The following CMSS1 variants were observed in gnomAD, a reference collection of about 807,000 sequenced individuals.
The protein encoded by CMSS1 is protein CMSS1.
A neutral mutation model predicts 43.5 loss-of-function variants in CMSS1; 33 were observed. The ratio of observed to expected loss-of-function variants is 0.76; its 90% CI spans 0.57 to 1.01. CMSS1 has a LOEUF of 1.01. CMSS1 is among the 50% of genes least tolerant of loss of function. The pLI is 0.00. For missense variants in CMSS1, 313 were observed against 326.4 expected, an observed-to-expected ratio of 0.96 and a Z score of 0.32; for synonymous variants, 115 against 117.2, an observed-to-expected ratio of 0.98 and a Z score of 0.12.
At chr3:100,153,890 G>T (rs1460982252) in intron 2 of CMSS1, among the ~76,000 whole-genome samples, 1 of 147,036 alleles carries the variant, frequency 6.8e-6, no homozygotes, top group Non-Finnish European at 1.5e-5. Context: ...TTGCTCTGTC[G>T]CCCAGGCTGG....
intron 1 of CMSS1, among the ~76,000 whole-genome samples, chr3:99,846,192 C>G (rs1368156351): frequency 2.0e-5 from 3 of 152,174 alleles, no homozygotes; most frequent in African/African-American, 7.2e-5. Context: ...CAAGAGGAAC[C>G]TGGGGTGATG....
chr3:100,119,723 C>T lies in CMSS1; in HGVS notation c.65-27250C>T, dbSNP rs570981795. Among the ~76,000 whole-genome samples the T allele has an allele frequency of 2.0e-5, 3 of 152,360 alleles. No homozygotes were observed. In the East Asian group the frequency reaches 5.8e-4, roughly 29 times the overall value. The stretch of plus-strand genomic sequence containing the variant: ...GGGTAAAAAAAATAAGAAAATTACA[C>T]ATATTAAACCAATTAGTCATTTTTC... On this transcript the variant is annotated intron_variant, in intron 1 of 9. Transcript: ENST00000421999.
At position 100,162,397 on chromosome 3, in the gene CMSS1, G is replaced by T. The variant is rs374111402; in HGVS notation, c.320G>T (p.Arg107Leu). 3.1e-6 allele frequency: 5 copies of T among 1,613,064 alleles called. No individual in the cohort carries two copies. The African/African-American group carries it at 4.0e-5, about 13-fold the overall frequency. The change falls in exon 4 of 10, where the codon CGC (arginine) becomes CTC (leucine). Residue 107 changes from arginine to leucine, a missense_variant. Arg to Leu is a moderately radical substitution (Grantham distance 102). Transcript: ENST00000421999. ...ATGAAGGACTATTATAGCAGCAGAC[G>T]CTTGGTGATTGAATTAGAAGAACTG... ...KLMKDYYSSR[R>L]LVIELEELNL...
At chr3:99,832,906 GT>G (rs2107488099) in intron 1 of CMSS1, among the ~76,000 whole-genome samples, 1 of 143,916 alleles carries the variant, frequency 6.9e-6, no homozygotes, top group South Asian at 2.2e-4. Flanking sequence ...ACATGTTTCA[GT>G]AAATGAGGTA....
intron 1 of CMSS1, among the ~76,000 whole-genome samples, chr3:99,862,419 A>G (rs1039911464): frequency 2.0e-5 from 3 of 152,210 alleles, no homozygotes; most frequent in African/African-American, 7.2e-5. Context: ...AAGGCTTTTC[A>G]TGGATCTTTT....
intron 1 of CMSS1, among the ~76,000 whole-genome samples, chr3:100,103,975 GT>G (rs1448600487): frequency 3.3e-5 from 5 of 152,172 alleles, no homozygotes; most frequent in African/African-American, 1.2e-4. Flanking sequence ...TAACTCAGAG[GT>G]TTTCAGTTAG....
chr3:100,005,206 T>A (rs1036395141), intron 1 of CMSS1, among the ~76,000 whole-genome samples: 6 of 152,246 alleles, frequency 3.9e-5, no homozygotes, highest in African/African-American at 1.4e-4. Flanking sequence ...GCACCTTGTA[T>A]TGTTAAAAAT....
At position 100,181,253 on chromosome 3, in the gene CMSS1, T is replaced by C. The variant is rs1349389595; in HGVS notation, c.*2865T>C. On this transcript the variant is annotated 3_prime_UTR_variant, in exon 10 of 10. Transcript: ENST00000421999. ...AAGTGAATTTGGCCCTTTGTAAACG[T>C]ATAAAAAGACAACAATATAATTACA... The C allele has an allele frequency of 6.6e-6, 1 of 152,218 alleles. No individual in the cohort carries two copies. The highest frequency in any genetic ancestry group is 2.4e-5 in the African/African-American group (1 of 41,456). The allele number at this position is 152,218 out of a possible 1,614,324, so 9.4% of individuals were successfully genotyped here.
chr3:100,019,386 G>A (rs35154249), intron 1 of CMSS1, among the ~76,000 whole-genome samples: 24,427 of 152,064 alleles, frequency 0.16, 2,332 homozygotes, highest in South Asian at 0.21. Context: ...TGACAGGAGA[G>A]TAACCTCTCA....
chr3:99,945,838 C>G (rs1707991629), intron 1 of CMSS1, among the ~76,000 whole-genome samples: 1 of 152,220 alleles, frequency 6.6e-6, no homozygotes, highest in Non-Finnish European at 1.5e-5. Flanking sequence ...TGTCAGGGCT[C>G]TCACGTTCCC....
chr3:100,006,160 T>C (rs1709979331), intron 1 of CMSS1, among the ~76,000 whole-genome samples: 1 of 152,162 alleles, frequency 6.6e-6, no homozygotes, highest in Non-Finnish European at 1.5e-5. Context: ...GGTATACTGG[T>C]GGTTTCTGGG....
At chr3:99,846,714 A>C (rs976911991) in intron 1 of CMSS1, among the ~76,000 whole-genome samples, 1 of 152,210 alleles carries the variant, frequency 6.6e-6, no homozygotes, top group Non-Finnish European at 1.5e-5. Context: ...TCGCTTTACT[A>C]TCATGAAATT....
At chr3:99,979,436 A>G (rs1709058070) in intron 1 of CMSS1, among the ~76,000 whole-genome samples, 1 of 152,242 alleles carries the variant, frequency 6.6e-6, no homozygotes, top group Non-Finnish European at 1.5e-5. Context: ...TTTCTAATGG[A>G]GTAATTTCTA....
intron 1 of CMSS1, among the ~76,000 whole-genome samples, chr3:99,947,192 C>G (rs1246196770): frequency 6.7e-6 from 1 of 148,248 alleles, no homozygotes; most frequent in African/African-American, 2.5e-5. Context: ...AATGGGGAAG[C>G]AGGCACAAAG....
intron 1 of CMSS1, among the ~76,000 whole-genome samples, chr3:100,136,417 T>A (rs918515514): frequency 6.6e-6 from 1 of 152,198 alleles, no homozygotes; most frequent in Non-Finnish European, 1.5e-5. Context: ...GCCAGGAGGC[T>A]GAGGGCCGAA....
At chr3:99,908,870 T>G (rs1039848673) in intron 1 of CMSS1, among the ~76,000 whole-genome samples, 1 of 152,064 alleles carries the variant, frequency 6.6e-6, no homozygotes, top group Admixed American at 6.5e-5. Flanking sequence ...AAAAAATTCC[T>G]ATTGTGTGTG....
At chr3:100,095,136 T>C (rs1345469643) in intron 1 of CMSS1, among the ~76,000 whole-genome samples, 4 of 152,152 alleles carry the variant, frequency 2.6e-5, no homozygotes, top group Non-Finnish European at 5.9e-5. Flanking sequence ...TTGATTACTA[T>C]AGTTAAAAAA....
intron 1 of CMSS1, among the ~76,000 whole-genome samples, chr3:99,828,467 C>G (rs1942579104): frequency 7.0e-6 from 1 of 143,398 alleles, no homozygotes; most frequent in Non-Finnish European, 1.5e-5. Flanking sequence ...TTTTTTTTCC[C>G]CACAAACAAG....
At chr3:99,983,444 ATGTATATATATATATG>A (rs1559713561) in intron 1 of CMSS1, among the ~76,000 whole-genome samples, 71 of 29,890 alleles carry the variant, frequency 2.4e-3, no homozygotes, top group East Asian at 5.7e-3. Flanking sequence ...ATATATATGT[ATGTATATATATATATG>A]TGTGTATATA....
Sources: gnomAD v4.1 joint callset for allele counts (sites outside exome capture counted in the v4.1 genomes callset) on GRCh38, gnomAD v4.1.1 for gene constraint, MANE v1.5 for transcripts, NCBI Gene and HGNC (gene_info 2026-07-23, HGNC 2026-07-21) for gene names.